The following DLC1 variants were observed in gnomAD, a reference collection of about 807,000 sequenced individuals.
The protein encoded by DLC1 is DLC1 Rho GTPase activating protein, also known as rho GTPase-activating protein 7.
Under a neutral mutation model 140.3 loss-of-function variants are expected in DLC1, and 54 were observed. The ratio of observed to expected loss-of-function variants is 0.38; its 90% CI spans 0.31 to 0.48. The LOEUF (loss-of-function observed/expected upper bound fraction) is 0.48, where lower values mean the gene tolerates loss of function less well. Among genes scored for constraint, DLC1 ranks in the 20% least tolerant of loss-of-function variants. DLC1 has a pLI of 0.96. For missense variants in DLC1, 2,536 were observed against 1,907.0 expected (o/e 1.33, Z -6.14); for synonymous variants, 986 against 728.1 (o/e 1.35, Z -5.70).
rs751831460 is a variant in DLC1, at chr8:13,100,231, C to G, written c.2106G>C (p.Gly702=). The change falls in exon 9 of 18, where the codon GGG becomes GGC. Residue 702 remains glycine, a synonymous_variant. Transcript: ENST00000276297. The part of the protein sequence containing the change: ...LIISGPILQE[G]MDEEKLKQLN... ...GCTGCTTCAGCTTCTCCTCATCCAT[C>G]CCCTCTTGCAAGATGGGCCCGCTGA... is the stretch of plus-strand genomic sequence containing the variant. 4 of 1,614,076 alleles carry G rather than the reference C, an allele frequency of 2.5e-6. No homozygotes were observed. Among genetic ancestry groups the G allele is most frequent in the Non-Finnish European group, 3.4e-6 (4 of 1,180,056 alleles).
intron 5 of DLC1, among the ~76,000 whole-genome samples, chr8:13,204,147 C>G (rs1011281444): frequency 6.6e-6 from 1 of 152,132 alleles, no homozygotes; most frequent in Non-Finnish European, 1.5e-5. Flanking sequence ...ATATTACTGT[C>G]AAGCCAGAAA....
intron 5 of DLC1, among the ~76,000 whole-genome samples, chr8:13,262,928 A>T (rs1250956538): frequency 2.0e-5 from 3 of 152,212 alleles, no homozygotes; most frequent in African/African-American, 7.2e-5. Context: ...TGAGATAGAG[A>T]CACTGGATTT....
intron 5 of DLC1, among the ~76,000 whole-genome samples, chr8:13,154,628 G>T (rs1197115180): frequency 2.6e-5 from 4 of 152,198 alleles, no homozygotes; most frequent in African/African-American, 9.6e-5. Flanking sequence ...GTCTCAGCCA[G>T]CCCAGAGAGG....
At chr8:13,574,207 G>A (rs1055858440) in intron 1 of DLC1, among the ~76,000 whole-genome samples, 6 of 152,048 alleles carry the variant, frequency 3.9e-5, no homozygotes, top group Admixed American at 2.6e-4. Context: ...GCAAATTAGC[G>A]TAAAGCTTTT....
At chr8:13,192,161 G>A (rs1826794265) in intron 5 of DLC1, among the ~76,000 whole-genome samples, 1 of 151,818 alleles carries the variant, frequency 6.6e-6, no homozygotes, top group Non-Finnish European at 1.5e-5. Context: ...ATGTTGGCCA[G>A]GCTGGTCTCG....
At position 13,305,390 on chromosome 8, in the gene DLC1, C is replaced by T. The variant is rs571572492; in HGVS notation, c.1315-88G>A. On this transcript the variant is annotated intron_variant, in intron 4 of 17. Transcript: ENST00000276297. ...AAATAAAACGAAGTGTAATTAATGACGCAAAAATTAAATAGAGAATGCCAA... is the reference window on the plus strand; with the variant it reads ...AAATAAAACGAAGTGTAATTAATGATGCAAAAATTAAATAGAGAATGCCAA... 2.9e-4 allele frequency: 396 copies of T among 1,355,584 alleles called. 1 individual carries two copies. The highest frequency in any genetic ancestry group is 1.0e-3 in the Middle Eastern group (5 of 4,786). The allele number at this position is 1,355,584 out of a possible 1,614,324, so 84.0% of individuals were successfully genotyped here. A position where few individuals can be genotyped will look rare whatever the true frequency, so the allele number is the denominator to read the frequency against.
chr8:13,492,967 T>G (rs185986873), intron 2 of DLC1, among the ~76,000 whole-genome samples: 346 of 152,312 alleles, frequency 2.3e-3, no homozygotes, highest in African/African-American at 8.0e-3. Flanking sequence ...AATAAGCTAT[T>G]TACAAAGCTA....
rs547737556 is a variant in DLC1 at position 13,319,819 on chromosome 8, C to CTTTTTTTTTTTT, written c.1315-14518_1315-14517insAAAAAAAAAAAA. On this transcript the variant is annotated intron_variant, in intron 4 of 17. Coordinates refer to ENST00000276297, the MANE Select transcript of DLC1 (RefSeq NM_182643.3). ...CCAACCATTGTTTAATTCTCTCTCT[C>CTTTTTTTTTTTT]TCTTTTTTTTTTTTTTTTTTTGAGA... Among the ~76,000 whole-genome samples, 378 of 76,106 alleles carry CTTTTTTTTTTTT rather than the reference C, an allele frequency of 5.0e-3. 43 individuals carry two copies. The highest frequency in any genetic ancestry group is 8.8e-3 in the African/African-American group (178 of 20,270). 49.9% of individuals were successfully genotyped at this position (76,106 alleles called of 152,430 possible).
intron 6 of DLC1, among the ~76,000 whole-genome samples, chr8:13,114,897 G>C (rs944982093): frequency 1.3e-5 from 2 of 152,172 alleles, no homozygotes; most frequent in African/African-American, 4.8e-5. Context: ...GTGAAAATTG[G>C]TACGGGCACT....
At chr8:13,391,895 A>G (rs1382647222) in intron 4 of DLC1, among the ~76,000 whole-genome samples, 3 of 99,222 alleles carry the variant, frequency 3.0e-5, no homozygotes, top group African/African-American at 8.8e-5. Context: ...CCTGTCCCCA[A>G]TGTTGAAAAA....
chr8:13,088,431 C>G (rs1252663777), intron 16 of DLC1, 56 bp downstream of exon 16: 1 of 1,565,394 alleles, frequency 6.4e-7, no homozygotes, highest in African/African-American at 1.4e-5. Flanking sequence ...GACATATAGG[C>G]TTGGTTCATA....
chr8:13,499,017 C>A, intron 2 of DLC1, 32 bp downstream of exon 2: 1 of 1,539,760 alleles, frequency 6.5e-7, no homozygotes. Flanking sequence ...TACAAAATTT[C>A]AAAAGCCAGA....
At chr8:13,425,767 T>C (rs1428696681) in intron 2 of DLC1, among the ~76,000 whole-genome samples, 1 of 152,236 alleles carries the variant, frequency 6.6e-6, no homozygotes, top group African/African-American at 2.4e-5. Context: ...TTTTTCTGTT[T>C]TTAAAATGTA....
chr8:13,506,567 A>ACATG (rs1491321792), intron 1 of DLC1, among the ~76,000 whole-genome samples: 2 of 111,816 alleles, frequency 1.8e-5, no homozygotes, highest in African/African-American at 7.1e-5. Flanking sequence ...ACACACACAC[A>ACATG]TGTGTGTGTG....
At chr8:13,170,701 G>T (rs913913411) in intron 5 of DLC1, among the ~76,000 whole-genome samples, 1 of 143,062 alleles carries the variant, frequency 7.0e-6, no homozygotes, top group Non-Finnish European at 1.5e-5. Flanking sequence ...CTGCACTCCA[G>T]CCTGGGCGAC....
chr8:13,550,615 A>T (rs530320849), intron 1 of DLC1, among the ~76,000 whole-genome samples: 11 of 152,274 alleles, frequency 7.2e-5, no homozygotes, highest in Middle Eastern at 3.4e-3. Flanking sequence ...GAAATAAAAT[A>T]ATAGAATCTT....
chr8:13,515,229 G>A (rs998361254), upstream of DLC1, among the ~76,000 whole-genome samples: 1 of 152,180 alleles, frequency 6.6e-6, no homozygotes, highest in African/African-American at 2.4e-5. Context: ...TTTTAAGAGA[G>A]CAAGATGAAT....
chr8:13,495,425 G>A (rs917258679), intron 2 of DLC1, among the ~76,000 whole-genome samples: 4 of 152,142 alleles, frequency 2.6e-5, no homozygotes, highest in African/African-American at 9.7e-5. Flanking sequence ...CCAGAGACCA[G>A]CCAGGCCCTG....
chr8:13,287,799 A>T (rs1831586761), intron 5 of DLC1, among the ~76,000 whole-genome samples: 2 of 149,748 alleles, frequency 1.3e-5, no homozygotes, highest in African/African-American at 5.1e-5. Flanking sequence ...GAAAGGATAC[A>T]TGGAGAAAGG....
Sources: gnomAD v4.1 joint callset for allele counts (sites outside exome capture counted in the v4.1 genomes callset) on GRCh38, gnomAD v4.1.1 for gene constraint, MANE v1.5 for transcripts, NCBI Gene and HGNC (gene_info 2026-07-23, HGNC 2026-07-21) for gene names.